Variants in NT5C1A observed in about 807,000 individuals in gnomAD.
The protein encoded by NT5C1A is cytosolic 5'-nucleotidase 1A.
Under a neutral mutation model 31.0 loss-of-function variants are expected in NT5C1A, and 18 were observed. The observed-to-expected ratio is 0.58, with a 90% CI of 0.40 to 0.86. The LOEUF (loss-of-function observed/expected upper bound fraction) is 0.86, where lower values mean the gene tolerates loss of function less well. Among genes scored for constraint, NT5C1A ranks in the 40% least tolerant of loss-of-function variants. The probability of loss-of-function intolerance (pLI) is 0.00; values close to 1 mark genes in which losing one functional copy is unlikely to be tolerated. For synonymous variants in NT5C1A, 185 were observed against 203.6 expected (o/e 0.91, Z 0.78); for missense variants, 470 against 505.4 (o/e 0.93, Z 0.67).
rs375704081 is a variant in NT5C1A, at chr1:39,666,079, G to A, written c.293C>T (p.Pro98Leu). 140 of 1,612,858 alleles carry A rather than the reference G, an allele frequency of 8.7e-5. No homozygotes were observed. Among genetic ancestry groups the A allele is most frequent in the Non-Finnish European group, 1.2e-4 (139 of 1,179,626 alleles). The change falls in exon 2 of 6, where the codon CCT becomes CTT. Residue 98 changes from proline (P) to leucine (L), a missense_variant. Transcript: ENST00000235628. ...NEPFSPGPAF[P>L]FVKALEAVNR... The stretch of plus-strand genomic sequence containing the variant: ...GAACTGCTCCCTCACCTTCACAAAA[G>A]GGAAGGCTGGCCCGGGACTGAAGGG...
chr1:39,662,748 G>A (rs919520997), intron 4 of NT5C1A, among the ~76,000 whole-genome samples: 3 of 152,220 alleles, frequency 2.0e-5, no homozygotes, highest in Non-Finnish European at 4.4e-5. Context: ...GGAGGACTGA[G>A]ACTATGGATA....
At position 39,655,052 on chromosome 1, in the gene NT5C1A, C is replaced by T. The variant is rs1190483003; in HGVS notation, c.*4069G>A. Among the ~76,000 whole-genome samples, 1 of 152,192 alleles carries T rather than the reference C, an allele frequency of 6.6e-6. No individual in the cohort carries two copies. The highest frequency in any genetic ancestry group is 2.4e-5 in the African/African-American group (1 of 41,434). On this transcript the variant is annotated 3_prime_UTR_variant, in exon 6 of 6. Transcript: ENST00000235628. Reference sequence around the variant, plus strand: ...CGCCTTCCGGGTTCAAGTGATCCTCCTGCCTCAGCCTCCCGAGTAGCTGGG... The same window carrying T: ...CGCCTTCCGGGTTCAAGTGATCCTCTTGCCTCAGCCTCCCGAGTAGCTGGG...
rs1330480579 is a variant in NT5C1A, at chr1:39,654,467, C to T, written c.*4654G>A. Among the ~76,000 whole-genome samples the T allele has an allele frequency of 1.3e-5, 2 of 152,194 alleles. No homozygotes were observed. Among genetic ancestry groups the T allele is most frequent in the Non-Finnish European group, 2.9e-5 (2 of 68,032 alleles). Reference sequence around the variant, plus strand: ...CTAGGCTGATCATTGCCTAAGAGGCCCCATGAGGAAATGAGTCGGGAATAC... The same window carrying T: ...CTAGGCTGATCATTGCCTAAGAGGCTCCATGAGGAAATGAGTCGGGAATAC... On this transcript the variant is annotated 3_prime_UTR_variant, in exon 6 of 6. Transcript: ENST00000235628.
rs765015243 is a variant in NT5C1A, at chr1:39,661,111, C to G, written c.709G>C (p.Glu237Gln). The G allele has an allele frequency of 1.3e-6, 2 of 1,591,012 alleles. No individual in the cohort carries two copies. The highest frequency in any genetic ancestry group is 1.1e-5 in the South Asian group (1 of 90,012). The change falls in exon 5 of 6, where the codon GAG becomes CAG. Residue 237 changes from glutamate (E) to glutamine (Q), a missense_variant. Coordinates refer to ENST00000235628, the MANE Select transcript of NT5C1A (RefSeq NM_032526.3). ...AHGLDRFFEH[E>Q]KAHENKPLAQ... ...AGAGGTTTGTTCTCGTGGGCCTTCTCATGCTCGAAGAATCGGTCCAGCCCG... is the reference window on the plus strand; with the variant it reads ...AGAGGTTTGTTCTCGTGGGCCTTCTGATGCTCGAAGAATCGGTCCAGCCCG...
intron 1 of NT5C1A, among the ~76,000 whole-genome samples, chr1:39,670,046 TA>T (rs1414516603): frequency 1.3e-5 from 2 of 152,260 alleles, no homozygotes; most frequent in Non-Finnish European, 2.9e-5. Context: ...TCTCATACCA[TA>T]TGGTACCAGA....
At position 39,653,241 on chromosome 1, in the gene NT5C1A, C is replaced by T. The variant is rs1046441809; in HGVS notation, c.*5880G>A. The stretch of plus-strand genomic sequence containing the variant: ...TTGGCCAGAGGTTGGGGGCTGGTCT[C>T]GGTGGCCCCCAAGCTGCACATACGC... On this transcript the variant is annotated 3_prime_UTR_variant, in exon 6 of 6. Coordinates refer to ENST00000235628, the MANE Select transcript of NT5C1A (RefSeq NM_032526.3). 6.6e-6 allele frequency among the ~76,000 whole-genome samples: 1 copy of T among 151,860 alleles called. No homozygotes were observed. The highest frequency in any genetic ancestry group is 1.5e-5 in the Non-Finnish European group (1 of 67,974).
chr1:39,665,667 A>T lies in NT5C1A; in HGVS notation c.304-17T>A. 1.2e-5 allele frequency: 19 copies of T among 1,611,358 alleles called. No homozygotes were observed. Among genetic ancestry groups the T allele is most frequent in the Non-Finnish European group, 1.6e-5 (19 of 1,179,232 alleles). ...CTCCAGAGCCTGGAAAGGAGAGGGC[A>T]CCCCCCAGCTTAGACCCCCAAGGAT... On this transcript the variant is annotated splice_polypyrimidine_tract_variant and intron_variant, in intron 2 of 5. Transcript: ENST00000235628.
chr1:39,659,199 C>T lies in NT5C1A; in HGVS notation c.1029G>A (p.Val343=). The change falls in exon 6 of 6, where the codon GTG becomes GTA. Residue 343 remains valine (V), a synonymous_variant. Transcript: ENST00000235628. ...HVAGAQEMGT[V]AAHVPYGVAQ... The stretch of plus-strand genomic sequence containing the variant: ...CCACACCATAAGGCACATGGGCGGC[C>T]ACAGTGCCCATCTCCTGAGCCCCAG... 6.2e-7 allele frequency: 1 copy of T among 1,614,044 alleles called. No homozygotes were observed. Among genetic ancestry groups the T allele is most frequent in the Non-Finnish European group, 8.5e-7 (1 of 1,180,028 alleles).
intron 5 of NT5C1A, 140 bp from the exon 6 acceptor site, chr1:39,659,626 T>A: frequency 9.4e-7 from 1 of 1,062,332 alleles, no homozygotes; most frequent in Non-Finnish European, 1.3e-6. Context: ...TGCTTATGCC[T>A]GCTTAGGCTA....
At position 39,671,890 on chromosome 1, in the gene NT5C1A, T is replaced by G; in HGVS notation, c.135+14A>C. ...CCTTCCCCCGTCCCCCGCATACCCG[T>G]GCATTGCTTTTACCGATTTGGGTTT... On this transcript the variant is annotated intron_variant, in intron 1 of 5. Transcript: ENST00000235628. The G allele has an allele frequency of 1.2e-6, 2 of 1,613,004 alleles. No individual in the cohort carries two copies. The highest frequency in any genetic ancestry group is 2.2e-5 in the South Asian group (2 of 91,076).
chr1:39,659,373 T>C lies in NT5C1A; in HGVS notation c.855A>G (p.Ala285=), dbSNP rs761990382. 4 of 1,613,774 alleles carry C rather than the reference T, an allele frequency of 2.5e-6. No homozygotes were observed. The highest frequency in any genetic ancestry group is 3.4e-6 in the Non-Finnish European group (4 of 1,180,008). ...TGAGAGCCCGGGCCCCGGAACTGGC[T>C]GCACTGCGTGCTGTCACCAAGTAGG... The part of the protein sequence containing the change: ...IRTYLVTARS[A]ASSGARALKT... The change falls in exon 6 of 6, where the codon GCA becomes GCG. Residue 285 remains alanine (A), a synonymous_variant. Coordinates refer to ENST00000235628, the MANE Select transcript of NT5C1A (RefSeq NM_032526.3).
chr1:39,663,243 G>A, intron 4 of NT5C1A, 69 bp downstream of exon 4: 1 of 1,593,416 alleles, frequency 6.3e-7, no homozygotes. Flanking sequence ...GGAACTTCAG[G>A]ACCAGGCCTC....
At chr1:39,664,736 G>T (rs1051868155) in intron 3 of NT5C1A, among the ~76,000 whole-genome samples, 1 of 150,814 alleles carries the variant, frequency 6.6e-6, no homozygotes, top group Non-Finnish European at 1.5e-5. Context: ...TGTTCCACCC[G>T]CCCTGGCCTC....
At position 39,652,474 on chromosome 1, in the gene NT5C1A, T is replaced by C. The variant is rs997089835; in HGVS notation, c.*6647A>G. Among the ~76,000 whole-genome samples, 3 of 152,144 alleles carry C rather than the reference T, an allele frequency of 2.0e-5. No individual in the cohort carries two copies. The highest frequency in any genetic ancestry group is 4.4e-5 in the Non-Finnish European group (3 of 68,026). Reference sequence around the variant, plus strand: ...ATCCTCTCCACTCATTTATGTTTCCTGCCTCGCCCCTGTAGGCATTGGGGT... The same window carrying C: ...ATCCTCTCCACTCATTTATGTTTCCCGCCTCGCCCCTGTAGGCATTGGGGT... On this transcript the variant is annotated 3_prime_UTR_variant, in exon 6 of 6. Transcript: ENST00000235628.
rs527978980 is a variant in NT5C1A at position 39,655,187 on chromosome 1, G to A, written c.*3934C>T. Reference sequence around the variant, plus strand: ...GATCTCCTGACCTTGTGATCCACCCGCCTTGGCCTCCCAAAGTGCTGGGAT... The same window carrying A: ...GATCTCCTGACCTTGTGATCCACCCACCTTGGCCTCCCAAAGTGCTGGGAT... On this transcript the variant is annotated 3_prime_UTR_variant, in exon 6 of 6. Coordinates refer to ENST00000235628, the MANE Select transcript of NT5C1A (RefSeq NM_032526.3). Among the ~76,000 whole-genome samples the A allele has an allele frequency of 2.0e-5, 3 of 152,226 alleles. No individual in the cohort carries two copies. The highest frequency in any genetic ancestry group is 7.2e-5 in the African/African-American group (3 of 41,556).
intron 5 of NT5C1A, 62 bp from the exon 6 acceptor site, chr1:39,659,548 C>G: frequency 6.6e-7 from 1 of 1,508,340 alleles, no homozygotes; most frequent in East Asian, 2.3e-5. Context: ...GCCCCCTGCT[C>G]TCCCTAAAGC....
rs957186546 is a variant in NT5C1A, at chr1:39,653,005, C to T, written c.*6116G>A. Among the ~76,000 whole-genome samples the T allele has an allele frequency of 1.3e-5, 2 of 152,124 alleles. No individual in the cohort carries two copies. The highest frequency in any genetic ancestry group is 2.9e-5 in the Non-Finnish European group (2 of 68,028). On this transcript the variant is annotated 3_prime_UTR_variant, in exon 6 of 6. Transcript: ENST00000235628. Reference sequence around the variant, plus strand: ...GGTGTCTAATAGGTACTACCCATGTCACAATACCAATGGCGCCCTCTAGAT... The same window carrying T: ...GGTGTCTAATAGGTACTACCCATGTTACAATACCAATGGCGCCCTCTAGAT...
Position 39,663,360 on chromosome 1 carries a change from G to A in NT5C1A, c.508C>T (p.Leu170Phe), listed in dbSNP as rs1168506921. The A allele has an allele frequency of 1.2e-6, 2 of 1,614,018 alleles. No individual in the cohort carries two copies. The highest frequency in any genetic ancestry group is 2.2e-5 in the East Asian group (1 of 44,886). Residue 170 changes from leucine (L) to phenylalanine (F), a missense_variant, in exon 4 of 6, where the codon CTC becomes TTC. Leu to Phe is a conservative substitution (Grantham distance 22, BLOSUM62 0). Coordinates refer to ENST00000235628, the MANE Select transcript of NT5C1A (RefSeq NM_032526.3). ...TTTTCCGCATCGGCTGACAAGTAGA[G>A]GTTGGTGTGATAGGCCTTGAGGTAG... ...ICYLKAYHTNLYLSADAEKVR... is the reference protein window; with the variant it reads ...ICYLKAYHTNFYLSADAEKVR...
chr1:39,660,371 C>T (rs947176392), intron 5 of NT5C1A, among the ~76,000 whole-genome samples: 2 of 152,206 alleles, frequency 1.3e-5, no homozygotes, highest in African/African-American at 4.8e-5. Flanking sequence ...TGGAGAATCC[C>T]AACAGCCCCA....
Sources: gnomAD v4.1 joint callset for allele counts (sites outside exome capture counted in the v4.1 genomes callset) on GRCh38, gnomAD v4.1.1 for gene constraint, MANE v1.5 for transcripts, NCBI Gene and HGNC (gene_info 2026-07-23, HGNC 2026-07-21) for gene names.